Variants in ABCC4 observed in about 807,000 individuals in gnomAD.
ABCC4 encodes the protein ATP binding cassette subfamily C member 4 (PEL blood group).
In ABCC4, 102 loss-of-function variants were observed where a neutral mutation model predicts 168.5. The observed-to-expected ratio is 0.61, with a 90% confidence interval of 0.52 to 0.71. The LOEUF is 0.71. ABCC4 is among the 30% of genes least tolerant of loss of function. The pLI, the probability that ABCC4 is intolerant of heterozygous loss-of-function variation, is 0.00. For missense variants in ABCC4, 1,402 were observed against 1,605.8 expected (o/e 0.87, Z 2.17); for synonymous variants, 617 against 590.7 (o/e 1.04, Z -0.65).
intron 30 of ABCC4, among the ~76,000 whole-genome samples, chr13:95,026,903 AAAAG>A (rs772135173): frequency 5.3e-5 from 8 of 152,156 alleles, no homozygotes; most frequent in Non-Finnish European, 8.8e-5. Context: ...AAAAAAAAGA[AAAAG>A]AAAGAAAGAA....
At chr13:95,151,735 G>A (rs2036695828) in intron 19 of ABCC4, among the ~76,000 whole-genome samples, 1 of 152,150 alleles carries the variant, frequency 6.6e-6, no homozygotes, top group Non-Finnish European at 1.5e-5. Flanking sequence ...TTGTTTCAAT[G>A]TTTGGGACCA....
At chr13:95,054,020 C>CTTTTTTTT (rs1566375296) in intron 26 of ABCC4, 4 of 73,168 alleles carry the variant, frequency 5.5e-5, no homozygotes, top group African/African-American at 2.1e-4. Context: ...AATGGGACAT[C>CTTTTTTTT]CTTTTTTTTT....
intron 20 of ABCC4, among the ~76,000 whole-genome samples, chr13:95,099,598 C>T (rs116567059): frequency 0.014 from 2,113 of 152,222 alleles, 58 homozygotes; most frequent in African/African-American, 0.048. Flanking sequence ...ACAACCATAA[C>T]GCTAAGAGAT....
Position 95,047,476 on chromosome 13 carries a change from C to CTTTTTTTTTTTTTT in ABCC4, c.3457-3052_3457-3039dup, listed in dbSNP as rs71111586. Reference sequence around the variant, plus strand: ...CCTGGACAATGAAATACTGCCTATTCTTTTTTTTTTTTTTTTTTTTTGAGG... The same window carrying CTTTTTTTTTTTTTT: ...CCTGGACAATGAAATACTGCCTATTCTTTTTTTTTTTTTTTTTTTTTTTTTTTTTTTTTTTGAGG... On this transcript the variant is annotated intron_variant, in intron 27 of 30. Coordinates refer to ENST00000645237, the MANE Select transcript of ABCC4 (RefSeq NM_005845.5). 7.3e-4 allele frequency among the ~76,000 whole-genome samples: 61 copies of CTTTTTTTTTTTTTT among 83,356 alleles called. 4 individuals are homozygous for CTTTTTTTTTTTTTT. Among genetic ancestry groups the CTTTTTTTTTTTTTT allele is most frequent in the Middle Eastern group, 0.011 (1 of 92 alleles). 54.7% of individuals were successfully genotyped at this position (83,356 alleles called of 152,430 possible).
intron 2 of ABCC4, among the ~76,000 whole-genome samples, 195 bp from the exon 3 acceptor site, chr13:95,247,290 G>T (rs1020430151): frequency 3.9e-5 from 6 of 152,172 alleles, no homozygotes; most frequent in African/African-American, 1.4e-4. Context: ...CAGGCCTTGA[G>T]GGGAAGTCTG....
Position 95,175,753 on chromosome 13 carries a change from G to A in ABCC4, c.1727+1954C>T, listed in dbSNP as rs1360915156. ...AGGGTGAGAAGGCAGCCATCAGCAGGCCAAGAAAGCCCTCGGGAGGAGCTG... is the reference window on the plus strand; with the variant it reads ...AGGGTGAGAAGGCAGCCATCAGCAGACCAAGAAAGCCCTCGGGAGGAGCTG... On this transcript the variant is annotated intron_variant, in intron 13 of 30. Coordinates refer to ENST00000645237, the MANE Select transcript of ABCC4 (RefSeq NM_005845.5). 2.6e-5 allele frequency among the ~76,000 whole-genome samples: 4 copies of A among 152,218 alleles called. 1 individual carries two copies. The highest frequency in any genetic ancestry group is 2.0e-4 in the Admixed American group (3 of 15,278).
At chr13:95,276,562 T>C (rs1207003973) in intron 1 of ABCC4, among the ~76,000 whole-genome samples, 1 of 146,990 alleles carries the variant, frequency 6.8e-6, no homozygotes, top group Non-Finnish European at 1.5e-5. Flanking sequence ...AACCTCCCAA[T>C]CCCCAGCTGT....
intron 24 of ABCC4, among the ~76,000 whole-genome samples, chr13:95,072,186 C>T (rs189770468): frequency 6.6e-6 from 1 of 152,178 alleles, no homozygotes; most frequent in East Asian, 1.9e-4. Flanking sequence ...GCTGGCTGGG[C>T]GCGGTGGCTC....
intron 21 of ABCC4, among the ~76,000 whole-genome samples, chr13:95,078,661 G>A (rs372823908): frequency 6.6e-6 from 1 of 152,146 alleles, no homozygotes; most frequent in Non-Finnish European, 1.5e-5. Context: ...TGGAAACAGG[G>A]TGATATTAGG....
chr13:95,072,024 C>G (rs533327263), intron 24 of ABCC4, among the ~76,000 whole-genome samples, 171 bp from the exon 25 acceptor site: 4 of 152,168 alleles, frequency 2.6e-5, no homozygotes, highest in African/African-American at 4.8e-5. Context: ...TGTGTAACAC[C>G]TTCACTTACA....
At chr13:95,028,191 T>A (rs564583396) in intron 30 of ABCC4, among the ~76,000 whole-genome samples, 8 of 152,228 alleles carry the variant, frequency 5.3e-5, no homozygotes, top group Non-Finnish European at 8.8e-5. Context: ...AAGAGAAATA[T>A]GTACAGTGTG....
At chr13:95,217,272 G>A (rs2039142428) in intron 4 of ABCC4, among the ~76,000 whole-genome samples, 1 of 152,094 alleles carries the variant, frequency 6.6e-6, no homozygotes, top group African/African-American at 2.4e-5. Flanking sequence ...TAATCAGTGT[G>A]GCCACATAAA....
At chr13:95,211,117 G>A (rs1728592849) in intron 4 of ABCC4, among the ~76,000 whole-genome samples, 1 of 152,218 alleles carries the variant, frequency 6.6e-6, no homozygotes. Context: ...GAGGCTGTCA[G>A]AGGAACAAAA....
In ABCC4 at chr13:95,161,316, A is replaced by AAT; in HGVS notation, c.2327_2328insAT (p.Leu777PhefsTer5). ...ATAGAGATCTTGCTATGCCAAAAAG[A>AAT]ACGGTAGCTACAGTTAAACCTGAAA... is the stretch of plus-strand genomic sequence containing the variant. On this transcript the variant is annotated frameshift_variant, in exon 19 of 31. Coordinates refer to ENST00000645237, the MANE Select transcript of ABCC4 (RefSeq NM_005845.5). LOFTEE classifies it high-confidence loss of function. 6.3e-7 allele frequency: 1 copy of AAT among 1,591,128 alleles called. No individual in the cohort carries two copies. Among genetic ancestry groups the AAT allele is most frequent in the Non-Finnish European group, 8.5e-7 (1 of 1,172,938 alleles).
At chr13:95,043,847 A>C in intron 28 of ABCC4, 60 bp from the exon 29 acceptor site, 2 of 1,177,434 alleles carry the variant, frequency 1.7e-6, no homozygotes, top group Non-Finnish European at 2.5e-6. Flanking sequence ...CTTAAGACTT[A>C]AAAAGCTCTA....
At chr13:95,233,032 T>C (rs2039666687) in intron 4 of ABCC4, among the ~76,000 whole-genome samples, 1 of 152,164 alleles carries the variant, frequency 6.6e-6, no homozygotes, top group Non-Finnish European at 1.5e-5. Context: ...GGAAACAAAA[T>C]AGGTGATTGT....
chr13:95,156,235 C>T (rs1213730725), intron 19 of ABCC4, among the ~76,000 whole-genome samples: 1 of 152,188 alleles, frequency 6.6e-6, no homozygotes, highest in African/African-American at 2.4e-5. Context: ...ATGTTTCAAA[C>T]ATAATACGCC....
chr13:95,180,800 T>C (rs558732572), intron 11 of ABCC4, among the ~76,000 whole-genome samples: 4 of 152,346 alleles, frequency 2.6e-5, no homozygotes, highest in African/African-American at 9.6e-5. Context: ...TTAGCCATTT[T>C]CTAGAAAAGA....
chr13:95,141,563 G>A (rs943408201), intron 19 of ABCC4, among the ~76,000 whole-genome samples: 2 of 151,472 alleles, frequency 1.3e-5, no homozygotes, highest in African/African-American at 4.9e-5. Flanking sequence ...GGGGGTGGGG[G>A]GTATCAATGA....
Sources: gnomAD v4.1 joint callset for allele counts (sites outside exome capture counted in the v4.1 genomes callset) on GRCh38, gnomAD v4.1.1 for gene constraint, MANE v1.5 for transcripts, NCBI Gene and HGNC (gene_info 2026-07-23, HGNC 2026-07-21) for gene names.